The following CDH13 variants were observed in gnomAD, a reference collection of about 807,000 sequenced individuals.
CDH13 encodes the protein cadherin-13.
A neutral mutation model predicts 63.8 loss-of-function variants in CDH13; 24 were observed. That is an observed-to-expected ratio of 0.38 (90% CI 0.27 to 0.53). The LOEUF (loss-of-function observed/expected upper bound fraction) is 0.53, where lower values mean the gene tolerates loss of function less well. Among genes scored for constraint, CDH13 ranks in the 20% least tolerant of loss-of-function variants. CDH13 has a pLI of 0.85. For missense variants in CDH13, 1,049 were observed against 903.1 expected, an observed-to-expected ratio of 1.16 and a Z score of -2.07; for synonymous variants, 503 against 355.3, an observed-to-expected ratio of 1.42 and a Z score of -4.67.
At chr16:83,149,185 A>C (rs1193732948) in intron 4 of CDH13, among the ~76,000 whole-genome samples, 1 of 152,208 alleles carries the variant, frequency 6.6e-6, no homozygotes, top group African/African-American at 2.4e-5. Flanking sequence ...TCAGCAACTA[A>C]TTTCCTGTAG....
At chr16:82,902,938 A>C (rs1198933714) in intron 2 of CDH13, among the ~76,000 whole-genome samples, 1 of 152,186 alleles carries the variant, frequency 6.6e-6, no homozygotes, top group Non-Finnish European at 1.5e-5. Context: ...GAGAAGCTCT[A>C]AGAGTTGGAA....
At chr16:82,914,866 C>T (rs975796964) in intron 2 of CDH13, among the ~76,000 whole-genome samples, 2 of 152,206 alleles carry the variant, frequency 1.3e-5, no homozygotes, top group East Asian at 3.9e-4. Context: ...TTATTTATAA[C>T]AGCATTAAAT....
At chr16:82,681,052 C>A (rs1914486534) in intron 1 of CDH13, among the ~76,000 whole-genome samples, 1 of 152,214 alleles carries the variant, frequency 6.6e-6, no homozygotes, top group African/African-American at 2.4e-5. Context: ...GAGAGCAGGT[C>A]TGTTCTGGCA....
At chr16:83,723,362 C>G (rs1212741493) in intron 10 of CDH13, among the ~76,000 whole-genome samples, 2 of 152,234 alleles carry the variant, frequency 1.3e-5, no homozygotes, top group Non-Finnish European at 2.9e-5. Flanking sequence ...TACTAAAGGG[C>G]TGAGCCAAGA....
At chr16:83,119,235 C>G (rs544994130) in intron 3 of CDH13, among the ~76,000 whole-genome samples, 1 of 152,300 alleles carries the variant, frequency 6.6e-6, no homozygotes, top group African/African-American at 2.4e-5. Context: ...TTTGCTGAAA[C>G]TCATCAGATG....
intron 5 of CDH13, among the ~76,000 whole-genome samples, chr16:83,329,975 C>T (rs1446360758): frequency 6.6e-6 from 1 of 152,152 alleles, no homozygotes; most frequent in African/African-American, 2.4e-5. Context: ...GTGAATAGTG[C>T]TGCTATGGAC....
At chr16:83,607,739 TA>T (rs1908476658) in intron 8 of CDH13, among the ~76,000 whole-genome samples, 1 of 152,246 alleles carries the variant, frequency 6.6e-6, no homozygotes, top group African/African-American at 2.4e-5. Flanking sequence ...TAAGTTTTCC[TA>T]ATAGCTTGTA....
chr16:83,379,938 T>TAGAGAGAGAGAGAGAGAGAGAGAGAG (rs71148831), intron 6 of CDH13, among the ~76,000 whole-genome samples: 2 of 123,448 alleles, frequency 1.6e-5, no homozygotes, highest in Non-Finnish European at 3.3e-5. Context: ...TATATATATA[T>TAGAGAGAGAGAGAGAGAGAGAGAGAG]AGAGAGAGAG....
intron 2 of CDH13, among the ~76,000 whole-genome samples, chr16:82,868,369 G>C (rs1457910311): frequency 6.6e-6 from 1 of 152,104 alleles, no homozygotes; most frequent in East Asian, 1.9e-4. Context: ...CTAGTAGTAA[G>C]TCAATTAATA....
intron 6 of CDH13, among the ~76,000 whole-genome samples, chr16:83,468,041 C>G (rs16960568): frequency 0.025 from 3,856 of 152,298 alleles, 168 homozygotes; most frequent in African/African-American, 0.087. Context: ...GAGGAAGCAT[C>G]TCACAAACTG....
At chr16:82,686,670 G>A (rs1355157942) in intron 1 of CDH13, among the ~76,000 whole-genome samples, 8 of 152,316 alleles carry the variant, frequency 5.3e-5, no homozygotes, top group Middle Eastern at 3.4e-3. Context: ...CGGAGATAAC[G>A]TGCATGAAAG....
chr16:83,748,333 C>G (rs1912780837), intron 11 of CDH13, 83 bp downstream of exon 11: 11 of 1,290,948 alleles, frequency 8.5e-6, no homozygotes, highest in Non-Finnish European at 1.2e-5. Context: ...TCTGATACAC[C>G]CAGGGGTGTT....
At chr16:83,272,677 T>C (rs1000967294) in intron 5 of CDH13, among the ~76,000 whole-genome samples, 1 of 152,156 alleles carries the variant, frequency 6.6e-6, no homozygotes, top group East Asian at 1.9e-4. Flanking sequence ...GTGTGGCCCC[T>C]GAAGATTTCA....
intron 11 of CDH13, among the ~76,000 whole-genome samples, chr16:83,774,975 C>T (rs755655240): frequency 1.3e-5 from 2 of 149,510 alleles, no homozygotes; most frequent in Non-Finnish European, 1.5e-5. Flanking sequence ...AAAAGAACAG[C>T]TCATAAGAAG....
At chr16:83,295,379 A>T (rs2151869759) in intron 5 of CDH13, among the ~76,000 whole-genome samples, 1 of 152,270 alleles carries the variant, frequency 6.6e-6, no homozygotes, top group Non-Finnish European at 1.5e-5. Context: ...TAAAATGATT[A>T]TATCAACTAA....
chr16:83,243,064 G>A (rs1046999358), intron 5 of CDH13, among the ~76,000 whole-genome samples: 4 of 152,142 alleles, frequency 2.6e-5, no homozygotes, highest in African/African-American at 9.7e-5. Context: ...GACATGGTGA[G>A]TAATTGGTAC....
intron 2 of CDH13, among the ~76,000 whole-genome samples, chr16:82,962,541 G>A (rs1205921081): frequency 6.6e-6 from 1 of 152,210 alleles, no homozygotes; most frequent in Admixed American, 6.5e-5. Context: ...GGGTCCATGA[G>A]AAGGGATAGG....
chr16:82,636,211 C>T (rs1908636107), intron 1 of CDH13, among the ~76,000 whole-genome samples: 1 of 152,106 alleles, frequency 6.6e-6, no homozygotes, highest in Admixed American at 6.5e-5. Context: ...AGTTCTGACT[C>T]TTCCAATTGG....
chr16:83,520,834 C>T (rs1390404948), intron 7 of CDH13, among the ~76,000 whole-genome samples: 1 of 152,104 alleles, frequency 6.6e-6, no homozygotes, highest in Non-Finnish European at 1.5e-5. Flanking sequence ...CAGGATCCAC[C>T]ACATGGCTCT....
Sources: gnomAD v4.1 joint callset for allele counts (sites outside exome capture counted in the v4.1 genomes callset) on GRCh38, gnomAD v4.1.1 for gene constraint, MANE v1.5 for transcripts, NCBI Gene and HGNC (gene_info 2026-07-23, HGNC 2026-07-21) for gene names.